The following PRMT8 variants were observed in gnomAD, a reference collection of about 807,000 sequenced individuals.
PRMT8 encodes the protein protein arginine methyltransferase 8.
A neutral mutation model predicts 47.1 loss-of-function variants in PRMT8; 7 were observed. The observed-to-expected ratio is 0.15, with a 90% CI of 0.08 to 0.28. The LOEUF (loss-of-function observed/expected upper bound fraction) is 0.28, where lower values mean the gene tolerates loss of function less well. PRMT8 is among the 10% of genes least tolerant of loss of function. The pLI, the probability that PRMT8 is intolerant of heterozygous loss-of-function variation, is 1.00. For missense variants in PRMT8, 237 were observed against 505.4 expected, an observed-to-expected ratio of 0.47 and a Z score of 5.09; for synonymous variants, 188 against 186.5, an observed-to-expected ratio of 1.01 and a Z score of -0.07.
In PRMT8 at chr12:3,535,089, G is replaced by A. The variant is rs949743005; in HGVS notation, c.76-5517G>A. On this transcript the variant is annotated intron_variant, in intron 1 of 9. Coordinates refer to ENST00000382622, the MANE Select transcript of PRMT8 (RefSeq NM_019854.5). The surrounding 1 kb of genome is among the most constrained non-coding windows in gnomAD (Gnocchi z 4.7). ...CCATCTACCTGCATTTTCAAGGGAT[G>A]TGGGTTAGGTCAAACATGCTCCCCC... 6.6e-6 allele frequency among the ~76,000 whole-genome samples: 1 copy of A among 152,228 alleles called. No individual in the cohort carries two copies. Among genetic ancestry groups the A allele is most frequent in the African/African-American group, 2.4e-5 (1 of 41,464 alleles).
chr12:3,441,133 A>G (rs1209702391), intron 1 of PRMT8, among the ~76,000 whole-genome samples: 1 of 152,240 alleles, frequency 6.6e-6, no homozygotes, highest in Non-Finnish European at 1.5e-5. Flanking sequence ...GTAAAAAATG[A>G]TGCAAATTCT....
chr12:3,568,939 T>C, intron 5 of PRMT8, 91 bp downstream of exon 5: 1 of 1,542,910 alleles, frequency 6.5e-7, no homozygotes, highest in Non-Finnish European at 8.8e-7. Context: ...TACGAAGACT[T>C]CAGAGAAGAC....
At chr12:3,582,195 C>G (rs1867079991) in intron 7 of PRMT8, among the ~76,000 whole-genome samples, 1 of 152,190 alleles carries the variant, frequency 6.6e-6, no homozygotes, top group Non-Finnish European at 1.5e-5. Flanking sequence ...ACGGGGCCAG[C>G]AAGCAGCAGG....
At chr12:3,475,870 T>C (rs1271697474) in intron 1 of PRMT8, among the ~76,000 whole-genome samples, 1 of 152,238 alleles carries the variant, frequency 6.6e-6, no homozygotes, top group African/African-American at 2.4e-5. Context: ...CCTGTGGGTG[T>C]ATGATGTATG....
chr12:3,452,207 A>G (rs1472174449), intron 1 of PRMT8, among the ~76,000 whole-genome samples: 1 of 152,074 alleles, frequency 6.6e-6, no homozygotes, highest in Admixed American at 6.5e-5. Context: ...AAAATAACTA[A>G]TGGGTACTGG....
chr12:3,587,187 AATTAT>A (rs1281690914), intron 8 of PRMT8, among the ~76,000 whole-genome samples: 2 of 148,096 alleles, frequency 1.4e-5, no homozygotes, highest in Admixed American at 6.8e-5. Context: ...AATTATATAT[AATTAT>A]ATTATATATT....
chr12:3,528,267 T>C (rs1321059045), intron 1 of PRMT8, among the ~76,000 whole-genome samples: 2 of 152,184 alleles, frequency 1.3e-5, no homozygotes, highest in African/African-American at 2.4e-5. Context: ...TCCTCTTCCT[T>C]CAGGTGCTAC....
At chr12:3,531,253 C>T (rs1051447984) in intron 1 of PRMT8, among the ~76,000 whole-genome samples, 4 of 152,098 alleles carry the variant, frequency 2.6e-5, no homozygotes, top group Non-Finnish European at 4.4e-5. Context: ...GGCTCCGTAA[C>T]CCCCTTCAAG....
chr12:3,412,345 T>C (rs1864439615), intron 1 of PRMT8, among the ~76,000 whole-genome samples: 1 of 152,154 alleles, frequency 6.6e-6, no homozygotes, highest in Non-Finnish European at 1.5e-5. Flanking sequence ...AGTCAGTGAG[T>C]GAATGGTGAG....
At chr12:3,396,367 T>A (rs1864248719) in intron 1 of PRMT8, among the ~76,000 whole-genome samples, 1 of 152,216 alleles carries the variant, frequency 6.6e-6, no homozygotes, top group Non-Finnish European at 1.5e-5. Flanking sequence ...TTCCTTTCCA[T>A]GTTTAGCGCT....
intron 8 of PRMT8, among the ~76,000 whole-genome samples, chr12:3,589,559 A>G (rs1867256074): frequency 6.6e-6 from 1 of 152,184 alleles, no homozygotes; most frequent in Admixed American, 6.5e-5. Context: ...ACTGACTTCA[A>G]ATCTCTTGGA....
chr12:3,546,257 A>G (rs748516388), intron 2 of PRMT8, among the ~76,000 whole-genome samples: 1 of 152,252 alleles, frequency 6.6e-6, no homozygotes, highest in African/African-American at 2.4e-5. Context: ...CATAAAATCA[A>G]TGACCAAAAC....
chr12:3,407,501 C>T (rs967473460), intron 1 of PRMT8, among the ~76,000 whole-genome samples: 1 of 152,040 alleles, frequency 6.6e-6, no homozygotes, highest in Non-Finnish European at 1.5e-5. Flanking sequence ...ATGGTGATTC[C>T]CTTATATGCA....
chr12:3,433,036 C>G (rs1247476218), intron 1 of PRMT8, among the ~76,000 whole-genome samples: 1 of 152,184 alleles, frequency 6.6e-6, no homozygotes, highest in Admixed American at 6.5e-5. Flanking sequence ...CCATACTGCT[C>G]TCCAGGATGT....
chr12:3,433,569 G>C (rs1259523887), intron 1 of PRMT8, among the ~76,000 whole-genome samples: 4 of 152,154 alleles, frequency 2.6e-5, no homozygotes, highest in Non-Finnish European at 5.9e-5. Flanking sequence ...GATACAGTGG[G>C]GTGGACATAG....
intron 1 of PRMT8, among the ~76,000 whole-genome samples, chr12:3,446,594 T>G (rs1467692825): frequency 6.6e-6 from 1 of 152,168 alleles, no homozygotes; most frequent in Non-Finnish European, 1.5e-5. Flanking sequence ...AGACTTCTAT[T>G]GGAAACGGAG....
chr12:3,533,314 A>G (rs545948060), intron 1 of PRMT8, among the ~76,000 whole-genome samples: 3 of 152,304 alleles, frequency 2.0e-5, no homozygotes, highest in Admixed American at 6.5e-5. Context: ...CATGCAGAAG[A>G]CAACACCGTC....
upstream of PRMT8, among the ~76,000 whole-genome samples, chr12:3,488,175 C>T (rs1457365365): frequency 2.6e-5 from 4 of 152,148 alleles, no homozygotes; most frequent in African/African-American, 9.7e-5. Context: ...GTTGAACGGG[C>T]TACATGAGAA....
At chr12:3,534,488 G>A (rs904253840) in intron 1 of PRMT8, among the ~76,000 whole-genome samples, 1 of 152,120 alleles carries the variant, frequency 6.6e-6, no homozygotes. Flanking sequence ...TTCTCTTGGA[G>A]GTTCCAGTTC....
Sources: gnomAD v4.1 joint callset for allele counts (sites outside exome capture counted in the v4.1 genomes callset) on GRCh38, gnomAD v4.1.1 for gene constraint, Gnocchi (gnomAD v3.1) non-coding constraint, MANE v1.5 for transcripts, NCBI Gene and HGNC (gene_info 2026-07-23, HGNC 2026-07-21) for gene names.